INPP4B: variants seen among roughly 807,000 people sequenced by gnomAD.
The protein encoded by INPP4B is inositol polyphosphate 4-phosphatase type II.
Under a neutral mutation model 122.5 loss-of-function variants are expected in INPP4B, and 55 were observed. That is an observed-to-expected ratio of 0.45 (90% CI 0.36 to 0.56). The LOEUF (loss-of-function observed/expected upper bound fraction) is 0.56, where lower values mean the gene tolerates loss of function less well. INPP4B is among the 20% of genes least tolerant of loss of function. INPP4B has a pLI of 0.00. For missense variants in INPP4B, 1,000 were observed against 1,097.7 expected, an observed-to-expected ratio of 0.91 and a Z score of 1.26; for synonymous variants, 403 against 388.7, an observed-to-expected ratio of 1.04 and a Z score of -0.43.
chr4:142,037,476 T>C (rs1288178284), intron 25 of INPP4B, among the ~76,000 whole-genome samples: 1 of 152,194 alleles, frequency 6.6e-6, no homozygotes, highest in African/African-American at 2.4e-5. Flanking sequence ...GTTTGCTATT[T>C]GATATCTTAT....
intron 21 of INPP4B, among the ~76,000 whole-genome samples, chr4:142,120,625 G>A (rs910573215): frequency 6.6e-6 from 1 of 152,008 alleles, no homozygotes; most frequent in African/African-American, 2.4e-5. Flanking sequence ...ACAACTTTCA[G>A]GACTGTGCTA....
intron 1 of INPP4B, among the ~76,000 whole-genome samples, chr4:142,769,291 G>A (rs1325414416): frequency 6.6e-6 from 1 of 152,134 alleles, no homozygotes; most frequent in Non-Finnish European, 1.5e-5. Context: ...CTCTACTTGT[G>A]TCCATTGTGA....
At chr4:142,365,488 G>GT (rs1787110647) in intron 7 of INPP4B, among the ~76,000 whole-genome samples, 1 of 152,170 alleles carries the variant, frequency 6.6e-6, no homozygotes, top group African/African-American at 2.4e-5. Flanking sequence ...CCTTTCAGCA[G>GT]TATTTAAGCT....
At chr4:142,047,439 C>G (rs1578718739) in intron 25 of INPP4B, among the ~76,000 whole-genome samples, 2 of 152,080 alleles carry the variant, frequency 1.3e-5, no homozygotes, top group Non-Finnish European at 2.9e-5. Context: ...CTAAATTGCT[C>G]AAAGCTTTTC....
At chr4:142,423,316 A>G (rs1807331685) in intron 5 of INPP4B, among the ~76,000 whole-genome samples, 1 of 152,126 alleles carries the variant, frequency 6.6e-6, no homozygotes, top group Non-Finnish European at 1.5e-5. Flanking sequence ...CTGTGTCTGT[A>G]AAGTGATGAG....
chr4:142,135,478 C>T (rs111764218), intron 18 of INPP4B, among the ~76,000 whole-genome samples: 2,444 of 152,202 alleles, frequency 0.016, 18 homozygotes, highest in Non-Finnish European at 0.027. Flanking sequence ...GGGATGACAA[C>T]TTTAGGTCCA....
intron 2 of INPP4B, among the ~76,000 whole-genome samples, chr4:142,590,819 G>A (rs1157296387): frequency 7.1e-6 from 1 of 141,406 alleles, no homozygotes; most frequent in Non-Finnish European, 1.5e-5. Context: ...TAGTTGCAAT[G>A]ACACCTCAAT....
At chr4:142,451,182 A>T (rs1014947854) in intron 3 of INPP4B, among the ~76,000 whole-genome samples, 3 of 151,698 alleles carry the variant, frequency 2.0e-5, no homozygotes, top group African/African-American at 7.3e-5. Flanking sequence ...CAGAACAAAA[A>T]CATCAAGAAT....
chr4:142,096,960 A>ACC (rs1782083569), intron 23 of INPP4B, among the ~76,000 whole-genome samples: 1 of 152,134 alleles, frequency 6.6e-6, no homozygotes, highest in Admixed American at 6.5e-5. Flanking sequence ...CCTCATAGCA[A>ACC]ATGATGGGGT....
intron 2 of INPP4B, among the ~76,000 whole-genome samples, chr4:142,718,952 T>C (rs1337219127): frequency 6.6e-6 from 1 of 152,204 alleles, no homozygotes; most frequent in African/African-American, 2.4e-5. Context: ...CCCACCTCAC[T>C]ATACCAACTA....
chr4:142,523,395 T>C lies in INPP4B; in HGVS notation c.-190-60669A>G, dbSNP rs1379956251. ...GTAAGAGGATTATCAGAACTGAAGATGTACACTTGTCATGCAAAGGGCTGA... is the reference window on the plus strand; with the variant it reads ...GTAAGAGGATTATCAGAACTGAAGACGTACACTTGTCATGCAAAGGGCTGA... On this transcript the variant is annotated intron_variant, in intron 2 of 25. Coordinates refer to ENST00000262992, the MANE Select transcript of INPP4B (RefSeq NM_001101669.3). Among the ~76,000 whole-genome samples the C allele has an allele frequency of 3.3e-5, 5 of 152,090 alleles. No homozygotes were observed. In the East Asian group the frequency reaches 7.7e-4, roughly 24 times the overall value.
chr4:142,416,013 T>G (rs1430306336), intron 5 of INPP4B, among the ~76,000 whole-genome samples: 210 of 120,428 alleles, frequency 1.7e-3, no homozygotes, highest in Middle Eastern at 0.012. Flanking sequence ...TGGGGTGGGG[T>G]GAGGGGGGAG....
chr4:142,416,014 GA>G (rs1193562099), intron 5 of INPP4B, among the ~76,000 whole-genome samples: 2 of 151,402 alleles, frequency 1.3e-5, no homozygotes, highest in Non-Finnish European at 2.9e-5. Context: ...GGGGTGGGGT[GA>G]GGGGGGAGGG....
intron 8 of INPP4B, among the ~76,000 whole-genome samples, chr4:142,307,456 G>A (rs1159324886): frequency 6.6e-6 from 1 of 152,162 alleles, no homozygotes; most frequent in Admixed American, 6.6e-5. Flanking sequence ...ACCCCCCACT[G>A]CATAGCACAC....
chr4:142,456,427 G>A (rs1435909728), intron 3 of INPP4B, among the ~76,000 whole-genome samples: 2 of 151,998 alleles, frequency 1.3e-5, no homozygotes, highest in African/African-American at 4.8e-5. Flanking sequence ...TCAAAACTGA[G>A]TTCACTGTAC....
intron 2 of INPP4B, among the ~76,000 whole-genome samples, chr4:142,469,916 A>T (rs1432246135): frequency 6.6e-6 from 1 of 152,182 alleles, no homozygotes; most frequent in East Asian, 1.9e-4. Flanking sequence ...TATAAAAAAG[A>T]AATGAAGTAT....
At chr4:142,744,358 G>GA (rs1254021635) in intron 1 of INPP4B, among the ~76,000 whole-genome samples, 2 of 151,358 alleles carry the variant, frequency 1.3e-5, no homozygotes, top group Admixed American at 6.6e-5. Flanking sequence ...GTCTTAGGAA[G>GA]AAAAAAATAG....
chr4:142,087,323 T>A lies in INPP4B; in HGVS notation c.2375-1067A>T, dbSNP rs569081271. Among the ~76,000 whole-genome samples the A allele has an allele frequency of 1.2e-4, 19 of 152,294 alleles. No homozygotes were observed. The East Asian group carries it at 3.7e-3, about 29-fold the overall frequency. Reference sequence around the variant, plus strand: ...AGATAATTGGGTAGAAAGCAGGAAATGACACTGGTTGCTCAGATTTCTGCA... The same window carrying A: ...AGATAATTGGGTAGAAAGCAGGAAAAGACACTGGTTGCTCAGATTTCTGCA... On this transcript the variant is annotated intron_variant, in intron 23 of 25. Transcript: ENST00000262992.
At chr4:142,138,556 AT>A (rs1403660192) in intron 18 of INPP4B, among the ~76,000 whole-genome samples, 2 of 152,148 alleles carry the variant, frequency 1.3e-5, no homozygotes, top group Non-Finnish European at 2.9e-5. Context: ...ATTAAAAAAA[AT>A]TAATCATTCC....
Sources: gnomAD v4.1 joint callset for allele counts (sites outside exome capture counted in the v4.1 genomes callset) on GRCh38, gnomAD v4.1.1 for gene constraint, MANE v1.5 for transcripts, NCBI Gene and HGNC (gene_info 2026-07-23, HGNC 2026-07-21) for gene names.